LCT: variants seen among roughly 807,000 people sequenced by gnomAD.
LCT encodes the protein lactase/phlorizin hydrolase.
In LCT, 90 loss-of-function variants were observed where a neutral mutation model predicts 173.0. That is an observed-to-expected ratio of 0.52 (90% CI 0.44 to 0.62). The LOEUF (loss-of-function observed/expected upper bound fraction) is 0.62, where lower values mean the gene tolerates loss of function less well. Ranked by LOEUF, LCT falls within the 20% of genes least tolerant of loss-of-function variation. LCT has a pLI of 0.00. For synonymous variants in LCT, 853 were observed against 957.6 expected, an observed-to-expected ratio of 0.89 and a Z score of 2.02; for missense variants, 1,864 against 2,431.4, an observed-to-expected ratio of 0.77 and a Z score of 4.91.
chr2:135,795,842 C>T (rs1575331885), intron 13 of LCT, among the ~76,000 whole-genome samples: 1 of 151,916 alleles, frequency 6.6e-6, no homozygotes, highest in Non-Finnish European at 1.5e-5. Context: ...CTCACTGCAA[C>T]CTCAGTCTCC....
At chr2:135,829,727 T>C (rs7586189) in intron 2 of LCT, 51 bp from the exon 3 acceptor site, 2 of 1,204,556 alleles carry the variant, frequency 1.7e-6, no homozygotes, top group Non-Finnish European at 2.5e-6. Flanking sequence ...CTGTCAAGAC[T>C]AACAGCCTCT....
At chr2:135,805,713 C>T (rs79065189) in intron 9 of LCT, among the ~76,000 whole-genome samples, 1 of 152,276 alleles carries the variant, frequency 6.6e-6, no homozygotes, top group East Asian at 1.9e-4. Flanking sequence ...GTGTTTTGGT[C>T]AATGACGGAC....
rs368809229 is a variant in LCT at position 135,811,470 on chromosome 2, T to C, written c.2353+841A>G. 1.8e-4 allele frequency among the ~76,000 whole-genome samples: 28 copies of C among 152,246 alleles called. No homozygotes were observed. In the East Asian group the frequency reaches 3.3e-3, roughly 18 times the overall value. ...ATAAAAAGACATATGAAATAGTATG[T>C]CAGGTAAGAATGAGACCGTAGATGT... On this transcript the variant is annotated intron_variant, in intron 7 of 16. Transcript: ENST00000264162.
At chr2:135,829,538 G>C in intron 3 of LCT, 55 bp downstream of exon 3, 2 of 1,273,354 alleles carry the variant, frequency 1.6e-6, no homozygotes, top group East Asian at 2.3e-5. Context: ...TGTCTAATCT[G>C]CTCTCTGAAA....
In LCT at chr2:135,808,744, G is replaced by A. The variant is rs759189427; in HGVS notation, c.3603C>T (p.Ala1201=). The change falls in exon 8 of 17, where the codon GCC becomes GCT. Residue 1201 remains alanine (A), a synonymous_variant. Coordinates refer to ENST00000264162, the MANE Select transcript of LCT (RefSeq NM_002299.4). The part of the protein sequence containing the change: ...EEEKRFIRAT[A]DVFCLNTYYS... ...AGTACGTGTTGAGGCAGAAGACGTC[G>A]GCCGTCGCCCTGATGAACCTCTTCT... 6.2e-6 allele frequency: 10 copies of A among 1,613,992 alleles called. No homozygotes were observed. The highest frequency in any genetic ancestry group is 4.0e-5 in the African/African-American group (3 of 74,896).
Position 135,788,663 on chromosome 2 carries a change from C to T in LCT, c.5564-119G>A, listed in dbSNP as rs370676990. 189 of 742,628 alleles carry T rather than the reference C, an allele frequency of 2.5e-4. 1 individual carries two copies. Among genetic ancestry groups the T allele is most frequent in the South Asian group, 3.4e-4 (24 of 70,498 alleles). 46.0% of individuals were successfully genotyped at this position (742,628 alleles called of 1,614,324 possible). ...ATCCGCACAGCCATTGACGGGATGC[C>T]GAGGTGGAGGTACCCATCCCCTTTC... On this transcript the variant is annotated intron_variant, in intron 16 of 16. Coordinates refer to ENST00000264162, the MANE Select transcript of LCT (RefSeq NM_002299.4).
intron 2 of LCT, among the ~76,000 whole-genome samples, chr2:135,830,704 C>T (rs958180697): frequency 3.3e-5 from 5 of 152,198 alleles, no homozygotes; most frequent in Non-Finnish European, 7.3e-5. Flanking sequence ...CTTTCTCAGT[C>T]AAGTTGTCAT....
intron 11 of LCT, among the ~76,000 whole-genome samples, chr2:135,801,352 A>G (rs549723857): frequency 6.6e-6 from 1 of 152,282 alleles, no homozygotes; most frequent in Admixed American, 6.5e-5. Context: ...ATTTCTTTCT[A>G]TTGAGTTAGC....
Position 135,807,120 on chromosome 2 carries a change from C to T in LCT, c.4173+8G>A. 1 of 1,602,944 alleles carries T rather than the reference C, an allele frequency of 6.2e-7. No homozygotes were observed. The highest frequency in any genetic ancestry group is 8.5e-7 in the Non-Finnish European group (1 of 1,174,928). On this transcript the variant is annotated splice_region_variant and intron_variant, in intron 9 of 16. Transcript: ENST00000264162. ...GTCACTGGTGTCCCACCATCCTGAA[C>T]TCCTCACCTGATATGCAGCAGAAGC...
chr2:135,817,921 G>T lies in LCT; in HGVS notation c.1127C>A (p.Ala376Asp), dbSNP rs2077794651. 14 of 1,613,932 alleles carry T rather than the reference G, an allele frequency of 8.7e-6. No homozygotes were observed. The highest frequency in any genetic ancestry group is 1.0e-5 in the Non-Finnish European group (12 of 1,180,024). ...FANQSRAERD[A>D]FLQDTFPEGF... ...TTCAGGGAAAGTATCCTGCAGGAAG[G>T]CATCCCTTTCCGCCCTGGACTGATT... The change falls in exon 6 of 17, where the codon GCC becomes GAC. Residue 376 changes from alanine to aspartate, a missense_variant. Physicochemically the swap from Ala to Asp is moderately radical, Grantham distance 126 (BLOSUM62 -2). Around this residue, in one of 4 missense-constraint regions of LCT, gnomAD observed 412 missense variants for 462.0 expected, o/e 0.89. Coordinates refer to ENST00000264162, the MANE Select transcript of LCT (RefSeq NM_002299.4).
In LCT at chr2:135,790,086, T is replaced by G. The variant is rs1450886219; in HGVS notation, c.5336-288A>C. Among the ~76,000 whole-genome samples, 1 of 152,234 alleles carries G rather than the reference T, an allele frequency of 6.6e-6. No individual in the cohort carries two copies. Among genetic ancestry groups the G allele is most frequent in the Non-Finnish European group, 1.5e-5 (1 of 68,024 alleles). On this transcript the variant is annotated intron_variant, in intron 15 of 16. Coordinates refer to ENST00000264162, the MANE Select transcript of LCT (RefSeq NM_002299.4). The surrounding 1 kb of genome is among the most constrained non-coding windows in gnomAD (Gnocchi z 4.1). Reference sequence around the variant, plus strand: ...AATTTCCCTGGGTCACCTACACTTCTATCCATGATCTTGGTCAGTGCCTTA... The same window carrying G: ...AATTTCCCTGGGTCACCTACACTTCGATCCATGATCTTGGTCAGTGCCTTA...
rs1331742793 is a variant in LCT at position 135,788,538 on chromosome 2, C to T, written c.5570G>A (p.Gly1857Glu). 6.2e-7 allele frequency: 1 copy of T among 1,606,414 alleles called. No individual in the cohort carries two copies. Among genetic ancestry groups the T allele is most frequent in the Non-Finnish European group, 8.5e-7 (1 of 1,174,504 alleles). The change falls in exon 17 of 17, where the codon GGA (glycine) becomes GAA (glutamate). Residue 1857 changes from glycine (G) to glutamate (E), a missense_variant. Gly to Glu is a moderately conservative substitution (Grantham distance 98). Transcript: ENST00000264162. ...CTGTCTCACGGGGCTGATGGTGGGT[C>T]CAGCATCTAGGAGAGTGTGACACAG... ...PHACLHQPDA[G>E]PTISPVRQEE... is the part of the protein sequence containing the mutation.
chr2:135,806,709 G>A (rs149102591), intron 9 of LCT, among the ~76,000 whole-genome samples: 121 of 152,378 alleles, frequency 7.9e-4, no homozygotes, highest in African/African-American at 2.7e-3. Flanking sequence ...GCTATACCAT[G>A]TAGCCTAGGT....
chr2:135,796,168 T>A (rs1466289512), intron 13 of LCT, among the ~76,000 whole-genome samples: 1 of 152,236 alleles, frequency 6.6e-6, no homozygotes, highest in Non-Finnish European at 1.5e-5. Context: ...CCTGAATGCA[T>A]GCGCATGCCC....
intron 11 of LCT, among the ~76,000 whole-genome samples, chr2:135,801,858 G>A (rs1440473635): frequency 1.3e-5 from 2 of 152,146 alleles, no homozygotes; most frequent in East Asian, 3.9e-4. Context: ...ACAGGCGTGA[G>A]ATACCATACT....
Position 135,829,652 on chromosome 2 carries a change from CAA to C in LCT, c.743_744del (p.Leu248ArgfsTer5). The C allele has an allele frequency of 6.2e-7, 1 of 1,612,864 alleles. No homozygotes were observed. The highest frequency in any genetic ancestry group is 8.5e-7 in the Non-Finnish European group (1 of 1,178,928). ...LAQDTVDFLS[L>X]DLSYECQNEA... ...TCATTTTGGCATTCATAAGACAAAT[CAA>C]GAGAGAGGAAATCGACCGTGTCCTG... On this transcript the variant is annotated frameshift_variant, in exon 3 of 17. Coordinates refer to ENST00000264162, the MANE Select transcript of LCT (RefSeq NM_002299.4). LOFTEE classifies it high-confidence loss of function.
intron 7 of LCT, chr2:135,810,361 T>C (rs2077724872): frequency 5.8e-6 from 1 of 171,368 alleles, no homozygotes; most frequent in African/African-American, 2.4e-5. Flanking sequence ...TAAAAAGTGT[T>C]CCTTTTGACA....
intron 3 of LCT, 31 bp downstream of exon 3, chr2:135,829,562 C>G (rs931507424): frequency 4.6e-6 from 7 of 1,519,054 alleles, no homozygotes; most frequent in African/African-American, 1.4e-5. Flanking sequence ...TCGCTGCATT[C>G]ATCATTAATG....
chr2:135,811,589 A>G (rs563608086), intron 7 of LCT, among the ~76,000 whole-genome samples: 1 of 151,820 alleles, frequency 6.6e-6, no homozygotes, highest in East Asian at 1.9e-4. Flanking sequence ...ATGAGGGAAG[A>G]GTTAATGGGT....
Sources: allele counts gnomAD v4.1 joint callset (sites outside exome capture counted in the v4.1 genomes callset), GRCh38; gene constraint gnomAD v4.1.1; regional missense constraint gnomAD v4.1.1; non-coding constraint Gnocchi (gnomAD v3.1); transcripts MANE v1.5; gene names NCBI Gene and HGNC (gene_info 2026-07-23, HGNC 2026-07-21).